Variants in SLCO3A1 observed in about 807,000 individuals in gnomAD.
SLCO3A1 encodes the protein solute carrier organic anion transporter family member 3A1.
SLCO3A1 carries 27 observed loss-of-function variants against 63.1 expected under a neutral mutation model. The ratio of observed to expected loss-of-function variants is 0.43; its 90% CI spans 0.32 to 0.59. SLCO3A1 has a LOEUF of 0.59. Ranked by LOEUF, SLCO3A1 falls within the 20% of genes least tolerant of loss-of-function variation. SLCO3A1 has a pLI of 0.09. For synonymous variants in SLCO3A1, 473 were observed against 409.9 expected (o/e 1.15, Z -1.86); for missense variants, 773 against 945.8 (o/e 0.82, Z 2.40).
intron 2 of SLCO3A1, among the ~76,000 whole-genome samples, chr15:91,982,632 A>T (rs534543780): frequency 1.3e-5 from 2 of 152,356 alleles, no homozygotes; most frequent in African/African-American, 4.8e-5. Flanking sequence ...AGAGTTTCTG[A>T]GAAAACACCT....
intron 2 of SLCO3A1, among the ~76,000 whole-genome samples, chr15:92,035,281 C>T (rs1468561057): frequency 6.6e-6 from 1 of 151,784 alleles, no homozygotes; most frequent in East Asian, 1.9e-4. Context: ...TATGTTATGT[C>T]AATAGCAGCG....
At chr15:92,053,203 C>G (rs1375274024) in intron 2 of SLCO3A1, among the ~76,000 whole-genome samples, 1 of 152,126 alleles carries the variant, frequency 6.6e-6, no homozygotes, top group Non-Finnish European at 1.5e-5. Flanking sequence ...CCTGGGGTTA[C>G]AGTTTGATGG....
At chr15:91,937,701 A>G (rs1899464446) in intron 2 of SLCO3A1, among the ~76,000 whole-genome samples, 2 of 144,094 alleles carry the variant, frequency 1.4e-5, no homozygotes, top group South Asian at 4.5e-4. Flanking sequence ...CCCGGACGAC[A>G]GTGCAAGACT....
At chr15:91,907,947 A>T (rs1307175109) in intron 1 of SLCO3A1, among the ~76,000 whole-genome samples, 1 of 152,220 alleles carries the variant, frequency 6.6e-6, no homozygotes, top group Non-Finnish European at 1.5e-5. Context: ...AGGCCCAGAG[A>T]GAGAGAGCCA....
intron 8 of SLCO3A1, among the ~76,000 whole-genome samples, chr15:92,148,096 C>T (rs531379992): frequency 3.4e-4 from 52 of 152,260 alleles, no homozygotes; most frequent in African/African-American, 1.2e-3. Flanking sequence ...TAATCCCAGC[C>T]ACTTGGGAGG....
intron 7 of SLCO3A1, among the ~76,000 whole-genome samples, chr15:92,133,731 G>A (rs947342260): frequency 3.9e-5 from 5 of 128,180 alleles, no homozygotes; most frequent in African/African-American, 1.4e-4. Context: ...AACAAGCTCA[G>A]GGCTCCCACT....
At chr15:91,979,501 T>C (rs1901252640) in intron 2 of SLCO3A1, among the ~76,000 whole-genome samples, 1 of 152,198 alleles carries the variant, frequency 6.6e-6, no homozygotes. Context: ...CTTAGCGTGT[T>C]GTCTGGCAGT....
chr15:91,934,744 A>G (rs900935841), intron 2 of SLCO3A1, among the ~76,000 whole-genome samples: 2 of 152,186 alleles, frequency 1.3e-5, no homozygotes, highest in Non-Finnish European at 2.9e-5. Flanking sequence ...TTACCACATA[A>G]TAGATGGTTT....
chr15:91,859,079 C>T lies in SLCO3A1; in HGVS notation c.180+4991C>T, dbSNP rs1012699718. ...CATATGTACTCTATTCTGTACATTGCCGCATGCATTGCATATTTACATACG... is the reference window on the plus strand; with the variant it reads ...CATATGTACTCTATTCTGTACATTGTCGCATGCATTGCATATTTACATACG... On this transcript the variant is annotated intron_variant, in intron 1 of 9. Coordinates refer to ENST00000318445, the MANE Select transcript of SLCO3A1 (RefSeq NM_013272.4). This position sits in a 1 kb window ranked among gnomAD's most constrained non-coding sequence, Gnocchi z 5.1. 6.6e-6 allele frequency among the ~76,000 whole-genome samples: 1 copy of T among 152,190 alleles called. No homozygotes were observed. Among genetic ancestry groups the T allele is most frequent in the African/African-American group, 2.4e-5 (1 of 41,442 alleles).
intron 9 of SLCO3A1, chr15:92,162,183 C>T (rs2048448228): frequency 7.3e-6 from 1 of 136,574 alleles, no homozygotes; most frequent in Admixed American, 8.1e-5. Flanking sequence ...CTTTGTTGCC[C>T]AGGCTGAAGT....
At chr15:92,061,006 A>T (rs1269414605) in intron 2 of SLCO3A1, among the ~76,000 whole-genome samples, 1 of 152,198 alleles carries the variant, frequency 6.6e-6, no homozygotes, top group African/African-American at 2.4e-5. Context: ...AACATTTGTT[A>T]CACAGTTCAT....
At chr15:92,030,136 G>A (rs1029900396) in intron 2 of SLCO3A1, among the ~76,000 whole-genome samples, 7 of 152,202 alleles carry the variant, frequency 4.6e-5, no homozygotes, top group African/African-American at 7.2e-5. Flanking sequence ...AATTGAATGC[G>A]ATCCTCCTGT....
intron 2 of SLCO3A1, among the ~76,000 whole-genome samples, chr15:91,972,886 C>T (rs975470039): frequency 1.8e-4 from 27 of 152,230 alleles, no homozygotes; most frequent in Admixed American, 3.3e-4. Context: ...TTTGGGAGGC[C>T]GAGGCAGGCG....
At chr15:91,946,412 TGAG>T (rs1899807052) in intron 2 of SLCO3A1, among the ~76,000 whole-genome samples, 1 of 152,128 alleles carries the variant, frequency 6.6e-6, no homozygotes, top group Admixed American at 6.5e-5. Context: ...CAAGAACCAG[TGAG>T]GAGCACTCCG....
chr15:91,903,818 G>A (rs1011826530), intron 1 of SLCO3A1, among the ~76,000 whole-genome samples: 4 of 152,204 alleles, frequency 2.6e-5, no homozygotes, highest in African/African-American at 9.7e-5. Context: ...GAGCAAATGG[G>A]GACTTTCTTA....
intron 2 of SLCO3A1, among the ~76,000 whole-genome samples, chr15:92,031,671 C>T (rs571240503): frequency 1.3e-5 from 2 of 152,156 alleles, no homozygotes; most frequent in South Asian, 4.2e-4. Context: ...CAGTCTTTTG[C>T]GGGTACATAG....
At chr15:91,953,189 A>C (rs1031926273) in intron 2 of SLCO3A1, among the ~76,000 whole-genome samples, 14 of 152,232 alleles carry the variant, frequency 9.2e-5, no homozygotes, top group Non-Finnish European at 2.1e-4. Flanking sequence ...TGGCTAACGT[A>C]AGATAAACTG....
At chr15:92,142,612 C>G (rs1453111337) in intron 7 of SLCO3A1, among the ~76,000 whole-genome samples, 3 of 152,194 alleles carry the variant, frequency 2.0e-5, no homozygotes, top group Non-Finnish European at 4.4e-5. Context: ...AACATTCAAA[C>G]CACGCACTGC....
In SLCO3A1 at chr15:91,863,199, T is replaced by C. The variant is rs1435066822; in HGVS notation, c.180+9111T>C. ...ACAGTGGGGCTGATTAATCTCTTTGTTGGCTTTTGGGTCAGAGAATTGTTT... is the reference window on the plus strand; with the variant it reads ...ACAGTGGGGCTGATTAATCTCTTTGCTGGCTTTTGGGTCAGAGAATTGTTT... On this transcript the variant is annotated intron_variant, in intron 1 of 9. Coordinates refer to ENST00000318445, the MANE Select transcript of SLCO3A1 (RefSeq NM_013272.4). The surrounding 1 kb of genome is among the most constrained non-coding windows in gnomAD (Gnocchi z 4.3). Among the ~76,000 whole-genome samples, 7 of 152,246 alleles carry C rather than the reference T, an allele frequency of 4.6e-5. No homozygotes were observed. The highest frequency in any genetic ancestry group is 5.9e-5 in the Non-Finnish European group (4 of 68,038).
Sources: allele counts gnomAD v4.1 joint callset (sites outside exome capture counted in the v4.1 genomes callset), GRCh38; gene constraint gnomAD v4.1.1; non-coding constraint Gnocchi (gnomAD v3.1); transcripts MANE v1.5; gene names NCBI Gene and HGNC (gene_info 2026-07-23, HGNC 2026-07-21).